The following SATB1 variants were observed in gnomAD, a reference collection of about 807,000 sequenced individuals.
SATB1 encodes the protein DNA-binding protein SATB1.
A neutral mutation model predicts 86.9 loss-of-function variants in SATB1; 11 were observed. The observed-to-expected ratio is 0.13, with a 90% confidence interval of 0.08 to 0.21. The LOEUF (loss-of-function observed/expected upper bound fraction) is 0.21, where lower values mean the gene tolerates loss of function less well. SATB1 is among the 10% of genes least tolerant of loss of function. The pLI is 1.00. For missense variants in SATB1, 551 were observed against 937.6 expected (o/e 0.59, Z 5.39); for synonymous variants, 357 against 357.2 (o/e 1.00, Z 0.01).
rs1042147573 is a variant in SATB1 at position 18,348,148 on chromosome 3, AAAGG to A, written c.*1018_*1021del. 5 of 152,664 alleles carry A rather than the reference AAAGG, an allele frequency of 3.3e-5. No homozygotes were observed. Among genetic ancestry groups the A allele is most frequent in the Non-Finnish European group, 7.3e-5 (5 of 68,030 alleles). 9.5% of individuals were successfully genotyped at this position (152,664 alleles called of 1,614,324 possible). On this transcript the variant is annotated 3_prime_UTR_variant, in exon 11 of 11. Transcript: ENST00000338745. ...GTAGCTTTAAAATTGATTGTAAACCAAAGGAAGACACATTGCAAACATCAATTAT... is the reference window on the plus strand; with the variant it reads ...GTAGCTTTAAAATTGATTGTAAACCAAAGACACATTGCAAACATCAATTAT...
intron 9 of SATB1, among the ~76,000 whole-genome samples, chr3:18,373,377 A>G (rs79852951): frequency 0.017 from 2,599 of 152,342 alleles, 24 homozygotes; most frequent in Non-Finnish European, 0.026. Context: ...ATGAATCAGC[A>G]CAGAATTAAA....
intron 8 of SATB1, among the ~76,000 whole-genome samples, chr3:18,382,543 A>G (rs1478000932): frequency 6.6e-6 from 1 of 152,180 alleles, no homozygotes; most frequent in Non-Finnish European, 1.5e-5. Context: ...AATTCCTCTA[A>G]TAAACTCATC....
At chr3:18,393,705 G>C (rs769641261) in intron 7 of SATB1, among the ~76,000 whole-genome samples, 58 of 152,118 alleles carry the variant, frequency 3.8e-4, no homozygotes, top group Admixed American at 7.9e-4. Flanking sequence ...TAGTTTTACT[G>C]AAATACTACC....
At chr3:18,358,127 A>G (rs1015183834) in intron 9 of SATB1, among the ~76,000 whole-genome samples, 5 of 151,996 alleles carry the variant, frequency 3.3e-5, no homozygotes, top group African/African-American at 1.2e-4. Flanking sequence ...CTTAAAATTA[A>G]CTATTTTCCA....
Position 18,425,255 on chromosome 3 carries a change from C to CCCGGCCG in SATB1, c.-1660_-1654dup, listed in dbSNP as rs2125184101. 1 of 154,804 alleles carries CCCGGCCG rather than the reference C, an allele frequency of 6.5e-6. No individual in the cohort carries two copies. The highest frequency in any genetic ancestry group is 1.4e-5 in the Non-Finnish European group (1 of 69,488). The allele number at this position is 154,804 out of a possible 1,614,324, so 9.6% of individuals were successfully genotyped here. A position where few individuals can be genotyped will look rare whatever the true frequency, so the allele number is the denominator to read the frequency against. On this transcript the variant is annotated 5_prime_UTR_variant, in exon 1 of 11. An upstream open reading frame in the 5' UTR loses its in-frame stop. Coordinates refer to ENST00000338745, the MANE Select transcript of SATB1 (RefSeq NM_002971.6). ...CCCAGCCCCGAGCACGCAGCCTCCT[C>CCCGGCCG]CCGGCCGCCCGCCGCCGCCCGGAGC...
intron 1 of SATB1, among the ~76,000 whole-genome samples, chr3:18,437,169 G>A (rs551651310): frequency 2.6e-5 from 4 of 152,218 alleles, no homozygotes; most frequent in South Asian, 4.2e-4. Flanking sequence ...AGTATTAAGA[G>A]GAGCAAAATC....
At chr3:18,417,371 G>A (rs1328595408) in intron 2 of SATB1, 2 of 560,872 alleles carry the variant, frequency 3.6e-6, no homozygotes, top group Non-Finnish European at 6.2e-6. Context: ...TTACCTTTCT[G>A]ATCAAATAAT....
intron 9 of SATB1, among the ~76,000 whole-genome samples, chr3:18,353,596 T>C (rs1261474807): frequency 6.6e-6 from 1 of 152,170 alleles, no homozygotes; most frequent in Non-Finnish European, 1.5e-5. Context: ...GTTTCTTATG[T>C]TACCAGGAGT....
upstream of SATB1, among the ~76,000 whole-genome samples, chr3:18,429,946 C>T (rs183633111): frequency 1.3e-5 from 2 of 152,310 alleles, no homozygotes; most frequent in Non-Finnish European, 1.5e-5. This position sits in a 1 kb window ranked among gnomAD's most constrained non-coding sequence, Gnocchi z 4.1. Flanking sequence ...CAAAAGCTCA[C>T]AGTGTCACTT....
upstream of SATB1, among the ~76,000 whole-genome samples, chr3:18,443,259 C>T (rs1308321920): frequency 6.6e-6 from 1 of 152,214 alleles, no homozygotes; most frequent in Non-Finnish European, 1.5e-5. This position sits in a 1 kb window ranked among gnomAD's most constrained non-coding sequence, Gnocchi z 4.4. Flanking sequence ...CCGCCACCCC[C>T]TTGAGAAAGT....
At chr3:18,414,451 A>G (rs1423769286) in intron 5 of SATB1, among the ~76,000 whole-genome samples, 3 of 152,026 alleles carry the variant, frequency 2.0e-5, no homozygotes, top group African/African-American at 7.2e-5. Flanking sequence ...GAAAATCATT[A>G]AAAAAATCTT....
chr3:18,422,990 G>A (rs1218753553), intron 1 of SATB1, among the ~76,000 whole-genome samples: 1 of 152,074 alleles, frequency 6.6e-6, no homozygotes, highest in African/African-American at 2.4e-5. Context: ...ACTAAGTCGT[G>A]GTGTAAAAAG....
chr3:18,351,641 A>G, intron 10 of SATB1: 1 of 514,038 alleles, frequency 1.9e-6, no homozygotes. Flanking sequence ...CTGTGGTATT[A>G]ATTAAAAAAT....
chr3:18,379,701 A>G (rs1397948615), intron 8 of SATB1, among the ~76,000 whole-genome samples: 1 of 152,210 alleles, frequency 6.6e-6, no homozygotes, highest in Non-Finnish European at 1.5e-5. Flanking sequence ...CTAGCCAATT[A>G]GCAAAATAAT....
At position 18,386,400 on chromosome 3, in the gene SATB1, TGGG is replaced by T; in HGVS notation, c.1415_1417del (p.Pro472del). ...GCAAGGAGGAAAAGGAGACCGCACC[TGGG>T]GAGGACGGCTGGGTGGTGTGCTGAT... On this transcript the variant is annotated inframe_deletion and splice_region_variant, in exon 8 of 11. Transcript: ENST00000338745. The surrounding 1 kb of genome is among the most constrained non-coding windows in gnomAD (Gnocchi z 4.5). 6.2e-7 allele frequency: 1 copy of T among 1,612,580 alleles called. No homozygotes were observed. The highest frequency in any genetic ancestry group is 8.5e-7 in the Non-Finnish European group (1 of 1,179,184).
intron 2 of SATB1, among the ~76,000 whole-genome samples, chr3:18,432,765 C>A (rs1314341070): frequency 6.7e-6 from 1 of 149,606 alleles, no homozygotes; most frequent in Non-Finnish European, 1.5e-5. Context: ...GTCAAAATGG[C>A]GTATTTTTTA....
At chr3:18,419,431 A>C (rs1199340780) in intron 2 of SATB1, among the ~76,000 whole-genome samples, 1 of 152,202 alleles carries the variant, frequency 6.6e-6, no homozygotes. Context: ...GAGCCTGTGT[A>C]AACAGCACGT....
At chr3:18,358,499 C>G (rs558969704) in intron 9 of SATB1, among the ~76,000 whole-genome samples, 1 of 152,028 alleles carries the variant, frequency 6.6e-6, no homozygotes, top group South Asian at 2.1e-4. Flanking sequence ...TCAGCTGGCA[C>G]TGTAAGTAAC....
chr3:18,414,175 T>A (rs941445678), intron 5 of SATB1, among the ~76,000 whole-genome samples: 6 of 152,078 alleles, frequency 3.9e-5, no homozygotes, highest in Non-Finnish European at 7.4e-5. Flanking sequence ...AAAAATCTAG[T>A]TGGACCAACA....
Sources: allele counts gnomAD v4.1 joint callset (sites outside exome capture counted in the v4.1 genomes callset), GRCh38; gene constraint gnomAD v4.1.1; non-coding constraint Gnocchi (gnomAD v3.1); transcripts MANE v1.5; gene names NCBI Gene and HGNC (gene_info 2026-07-23, HGNC 2026-07-21).